Variants in CFAP47 observed in about 807,000 individuals in gnomAD.
CFAP47 encodes the protein cilia and flagella associated protein 47.
Under a neutral mutation model 148.1 loss-of-function variants are expected in CFAP47, and 29 were observed. The ratio of observed to expected loss-of-function variants is 0.20; its 90% CI spans 0.15 to 0.27. The LOEUF (loss-of-function observed/expected upper bound fraction) is 0.27, where lower values mean the gene tolerates loss of function less well. Among genes scored for constraint, CFAP47 ranks in the 10% least tolerant of loss-of-function variants. CFAP47 has a pLI of 1.00. For synonymous variants in CFAP47, 664 were observed against 577.3 expected, an observed-to-expected ratio of 1.15 and a Z score of -2.15; for missense variants, 1,872 against 1,697.5, an observed-to-expected ratio of 1.10 and a Z score of -1.81.
intron 39 of CFAP47, among the ~76,000 whole-genome samples, chrX:36,175,311 A>T (rs1357452779): frequency 8.9e-6 from 1 of 112,295 alleles, no homozygotes. Context: ...CATCAAGGTC[A>T]TTCTCCGTCT....
chrX:35,973,703 A>G (rs1000009577), intron 13 of CFAP47, among the ~76,000 whole-genome samples: 6 of 111,214 alleles, frequency 5.4e-5, no homozygotes, highest in Non-Finnish European at 1.1e-4. Flanking sequence ...TCTGCAACCT[A>G]CTAGTGCAGT....
intron 15 of CFAP47, among the ~76,000 whole-genome samples, chrX:35,984,313 C>T (rs1221136810): frequency 9.0e-6 from 1 of 111,132 alleles, no homozygotes; most frequent in African/African-American, 3.3e-5. Context: ...TCCCCTTTAT[C>T]ATTTTGGATT....
rs938870645 is a variant in CFAP47 at position 36,374,376 on chromosome X, C to T, written c.9186-4974C>T. ...ATGTTCCTTTATATTTCTGAGAAATCAATTGAAATGTCTCCCCCTTTATTT... is the reference window on the plus strand; with the variant it reads ...ATGTTCCTTTATATTTCTGAGAAATTAATTGAAATGTCTCCCCCTTTATTT... On this transcript the variant is annotated intron_variant, in intron 62 of 63. Coordinates refer to ENST00000378653, the MANE Select transcript of CFAP47 (RefSeq NM_001304548.2). Among the ~76,000 whole-genome samples the T allele has an allele frequency of 2.7e-5, 3 of 110,767 alleles. No individual in the cohort carries two copies. The Admixed American group carries it at 2.9e-4, about 11-fold the overall frequency.
chrX:36,278,056 T>C (rs1556002965), intron 49 of CFAP47, among the ~76,000 whole-genome samples: 2 of 112,102 alleles, frequency 1.8e-5, no homozygotes, highest in South Asian at 3.7e-4. Flanking sequence ...GGGAACCACT[T>C]GAGGAGGCAG....
intron 15 of CFAP47, among the ~76,000 whole-genome samples, chrX:35,986,185 C>T (rs905426789): frequency 4.1e-4 from 45 of 110,809 alleles, no homozygotes; most frequent in Non-Finnish European, 2.8e-4. Context: ...TCTTGGATAA[C>T]ATCCTGAAGT....
chrX:36,355,065 A>G (rs945092037), intron 60 of CFAP47, among the ~76,000 whole-genome samples: 4 of 111,307 alleles, frequency 3.6e-5, no homozygotes, highest in Non-Finnish European at 7.5e-5. Context: ...TAAGCAAAAT[A>G]CTTGAATAGA....
chrX:36,327,771 G>A (rs782420328), intron 57 of CFAP47, among the ~76,000 whole-genome samples: 2 of 112,146 alleles, frequency 1.8e-5, no homozygotes, highest in Non-Finnish European at 3.8e-5. Context: ...TATATATCAT[G>A]CAGCAATAAA....
At chrX:36,008,793 T>A (rs1414156316) in intron 21 of CFAP47, among the ~76,000 whole-genome samples, 1 of 110,531 alleles carries the variant, frequency 9.0e-6, no homozygotes, top group African/African-American at 3.3e-5. Context: ...AATAAATAAA[T>A]AAAATAAATA....
intron 39 of CFAP47, among the ~76,000 whole-genome samples, chrX:36,162,848 TATA>T (rs1939446788): frequency 8.9e-6 from 1 of 112,091 alleles, no homozygotes; most frequent in African/African-American, 3.2e-5. Context: ...CCTGTACAAT[TATA>T]ATATTTAATA....
chrX:36,028,958 T>G (rs963545747), intron 22 of CFAP47, among the ~76,000 whole-genome samples: 10 of 111,185 alleles, frequency 9.0e-5, no homozygotes, highest in African/African-American at 2.9e-4. Flanking sequence ...TTAGGATGAT[T>G]GGTATAATTC....
chrX:36,371,099 A>T (rs1304559173), intron 62 of CFAP47, among the ~76,000 whole-genome samples: 1 of 112,028 alleles, frequency 8.9e-6, no homozygotes, highest in Non-Finnish European at 1.9e-5. Flanking sequence ...TATTCCTAAA[A>T]TATTTTATGT....
chrX:36,224,254 GA>G (rs1410336538), intron 45 of CFAP47, among the ~76,000 whole-genome samples: 23 of 106,129 alleles, frequency 2.2e-4, no homozygotes, highest in Non-Finnish European at 3.7e-4. Flanking sequence ...AAAATGAAAG[GA>G]AAAAAAAAGA....
Position 36,337,985 on chromosome X carries a change from G to A in CFAP47, c.8444-10144G>A, listed in dbSNP as rs1569320837. 3.1e-5 allele frequency among the ~76,000 whole-genome samples: 3 copies of A among 96,031 alleles called. No individual in the cohort carries two copies. The Admixed American group carries it at 3.5e-4, about 11-fold the overall frequency. 83.4% of individuals were successfully genotyped at this position (96,031 alleles called of 115,157 possible). On this transcript the variant is annotated intron_variant, in intron 57 of 63. Coordinates refer to ENST00000378653, the MANE Select transcript of CFAP47 (RefSeq NM_001304548.2). ...CTGGGGTTCACGCCATTCTCCTGCC[G>A]CAGCCTCCCGAGTAGCTGGGACTAC... is the stretch of plus-strand genomic sequence containing the variant.
Position 36,017,663 on chromosome X carries a change from T to C in CFAP47, c.3556+2751T>C, listed in dbSNP as rs142667873. The stretch of plus-strand genomic sequence containing the variant: ...TAAGTCTTTTCCCCATTGTGTTTTC[T>C]TGGCTTTTTTGTTGAAAATGAGTTC... On this transcript the variant is annotated intron_variant, in intron 22 of 63. Coordinates refer to ENST00000378653, the MANE Select transcript of CFAP47 (RefSeq NM_001304548.2). Among the ~76,000 whole-genome samples, 326 of 112,133 alleles carry C rather than the reference T, an allele frequency of 2.9e-3. 1 individual carries two copies. The highest frequency in any genetic ancestry group is 0.024 in the East Asian group (86 of 3,568).
chrX:36,100,874 C>A (rs1037841736), intron 32 of CFAP47, among the ~76,000 whole-genome samples: 1 of 111,410 alleles, frequency 9.0e-6, no homozygotes, highest in East Asian at 2.9e-4. Flanking sequence ...CCATATGCAA[C>A]AATTTGATGC....
At chrX:36,145,627 C>T (rs1205477657) in intron 36 of CFAP47, among the ~76,000 whole-genome samples, 2 of 111,564 alleles carry the variant, frequency 1.8e-5, no homozygotes, top group African/African-American at 6.5e-5. Flanking sequence ...ATTCTGTATA[C>T]AAGTTAATTT....
chrX:36,013,425 C>T (rs1354020728), intron 21 of CFAP47, among the ~76,000 whole-genome samples: 2 of 111,757 alleles, frequency 1.8e-5, no homozygotes, highest in Non-Finnish European at 3.8e-5. Context: ...TGTGCATAAA[C>T]TAAAAGTCTC....
At chrX:36,106,171 C>T (rs1481997596) in intron 33 of CFAP47, among the ~76,000 whole-genome samples, 1 of 112,292 alleles carries the variant, frequency 8.9e-6, no homozygotes, top group Non-Finnish European at 1.9e-5. Flanking sequence ...TTCTCAGCAG[C>T]ACTTTTTAAA....
At chrX:36,057,438 C>G (rs1288826939) in intron 26 of CFAP47, among the ~76,000 whole-genome samples, 1 of 111,200 alleles carries the variant, frequency 9.0e-6, no homozygotes, top group African/African-American at 3.3e-5. Flanking sequence ...CATCAACAAC[C>G]CTGTGAAATA....
Sources: allele counts gnomAD v4.1 joint callset (sites outside exome capture counted in the v4.1 genomes callset), GRCh38; gene constraint gnomAD v4.1.1; transcripts MANE v1.5; gene names NCBI Gene and HGNC (gene_info 2026-07-23, HGNC 2026-07-21).